The following CDK14 variants were observed in gnomAD, a reference collection of about 807,000 sequenced individuals.
CDK14 encodes the protein cyclin-dependent kinase 14.
CDK14 carries 34 observed loss-of-function variants against 60.7 expected under a neutral mutation model. The ratio of observed to expected loss-of-function variants is 0.56; its 90% CI spans 0.43 to 0.75. CDK14 has a LOEUF of 0.75. CDK14 is among the 30% of genes least tolerant of loss of function. The probability of loss-of-function intolerance (pLI) is 0.00; values close to 1 mark genes in which losing one functional copy is unlikely to be tolerated. For synonymous variants in CDK14, 197 were observed against 203.7 expected (o/e 0.97, Z 0.28); for missense variants, 482 against 564.1 (o/e 0.85, Z 1.47).
intron 5 of CDK14, among the ~76,000 whole-genome samples, chr7:90,810,640 A>G (rs1441183266): frequency 6.6e-6 from 1 of 152,222 alleles, no homozygotes; most frequent in African/African-American, 2.4e-5. Flanking sequence ...AGAAGGAAAT[A>G]AAGGGTATTC....
intron 2 of CDK14, among the ~76,000 whole-genome samples, chr7:90,684,205 A>G (rs1801383653): frequency 1.3e-5 from 2 of 152,230 alleles, no homozygotes; most frequent in African/African-American, 4.8e-5. Flanking sequence ...AGAGTTATTT[A>G]TAGTTCTCTT....
intron 14 of CDK14, among the ~76,000 whole-genome samples, chr7:91,177,607 C>T (rs1801818321): frequency 6.6e-6 from 1 of 152,032 alleles, no homozygotes; most frequent in African/African-American, 2.4e-5. Context: ...GCAACTTCAG[C>T]AAAGTCTCAG....
chr7:90,739,155 A>C (rs1803249209), intron 3 of CDK14, among the ~76,000 whole-genome samples: 1 of 152,188 alleles, frequency 6.6e-6, no homozygotes, highest in Non-Finnish European at 1.5e-5. Flanking sequence ...CTTCCTATGG[A>C]GTCAGCATGA....
intron 14 of CDK14, among the ~76,000 whole-genome samples, chr7:91,135,781 A>G (rs1800261849): frequency 2.0e-5 from 3 of 152,180 alleles, no homozygotes; most frequent in Admixed American, 2.0e-4. Context: ...CTTTGCCAGC[A>G]CAAAAGAAGG....
chr7:90,782,459 C>T (rs184816313), intron 4 of CDK14, among the ~76,000 whole-genome samples: 2 of 152,228 alleles, frequency 1.3e-5, no homozygotes, highest in Non-Finnish European at 2.9e-5. Flanking sequence ...TTTAAACATA[C>T]TTTATATCTT....
chr7:90,749,768 C>T (rs1385015077), intron 4 of CDK14, among the ~76,000 whole-genome samples: 2 of 152,194 alleles, frequency 1.3e-5, no homozygotes, highest in African/African-American at 4.8e-5. Context: ...TGTTTAGGCA[C>T]ACTCTGGGTG....
chr7:90,619,405 C>T (rs1044968102), intron 2 of CDK14, among the ~76,000 whole-genome samples: 6 of 152,178 alleles, frequency 3.9e-5, no homozygotes, highest in Admixed American at 3.3e-4. Flanking sequence ...TTGAAAATCT[C>T]TTTCCAGTGT....
intron 14 of CDK14, among the ~76,000 whole-genome samples, chr7:91,144,416 CTAT>C (rs1371930904): frequency 2.0e-5 from 3 of 152,076 alleles, no homozygotes; most frequent in African/African-American, 4.8e-5. Context: ...GCTTGAGATT[CTAT>C]TATTATGGGC....
intron 14 of CDK14, among the ~76,000 whole-genome samples, chr7:91,190,341 G>A (rs1802322198): frequency 6.6e-6 from 1 of 152,160 alleles, no homozygotes; most frequent in African/African-American, 2.4e-5. Context: ...AAATGGCTCA[G>A]GGAAGCTGGG....
At chr7:90,961,038 G>A (rs1358807500) in intron 9 of CDK14, among the ~76,000 whole-genome samples, 1 of 152,020 alleles carries the variant, frequency 6.6e-6, no homozygotes, top group African/African-American at 2.4e-5. Context: ...TATGGGTAAG[G>A]TCTTGCAGTT....
chr7:91,082,087 C>G (rs1380431194), intron 12 of CDK14, among the ~76,000 whole-genome samples: 1 of 152,148 alleles, frequency 6.6e-6, no homozygotes, highest in African/African-American at 2.4e-5. Flanking sequence ...CTCCCTATTT[C>G]TCTTCCAAAT....
chr7:90,818,237 A>G (rs565983029), intron 5 of CDK14, among the ~76,000 whole-genome samples: 4 of 152,206 alleles, frequency 2.6e-5, no homozygotes, highest in South Asian at 2.1e-4. Context: ...CACATAACCA[A>G]TTAAGTCCTG....
At chr7:91,157,044 C>A (rs977625878) in intron 14 of CDK14, among the ~76,000 whole-genome samples, 2 of 152,154 alleles carry the variant, frequency 1.3e-5, no homozygotes, top group Admixed American at 1.3e-4. Flanking sequence ...AGAGAGATTT[C>A]AAACAGGGAA....
chr7:90,757,664 A>G (rs1369544158), intron 4 of CDK14, among the ~76,000 whole-genome samples: 1 of 150,982 alleles, frequency 6.6e-6, no homozygotes, highest in African/African-American at 2.4e-5. Context: ...TGGTGCATGC[A>G]GTCTTGGCTC....
At chr7:90,950,731 G>C (rs1220135500) in intron 8 of CDK14, among the ~76,000 whole-genome samples, 14 of 152,172 alleles carry the variant, frequency 9.2e-5, no homozygotes, top group Admixed American at 9.2e-4. Flanking sequence ...GGACATTTTT[G>C]ATTTAGAAAC....
At chr7:90,712,988 C>T (rs1341451138) in intron 2 of CDK14, among the ~76,000 whole-genome samples, 8 of 117,512 alleles carry the variant, frequency 6.8e-5, no homozygotes, top group African/African-American at 1.2e-4. Flanking sequence ...TCCTGCTGCC[C>T]GCCATGGGCC....
intron 2 of CDK14, among the ~76,000 whole-genome samples, chr7:90,672,435 G>A (rs1471284531): frequency 6.8e-6 from 1 of 146,646 alleles, no homozygotes; most frequent in Admixed American, 6.9e-5. Flanking sequence ...TTCATCTCTG[G>A]CTTCTTTTAC....
intron 14 of CDK14, among the ~76,000 whole-genome samples, chr7:91,153,350 A>C (rs1800878200): frequency 6.6e-6 from 1 of 152,196 alleles, no homozygotes; most frequent in South Asian, 2.1e-4. Flanking sequence ...AAGGAGCTAA[A>C]AGCAGAACTG....
intron 10 of CDK14, among the ~76,000 whole-genome samples, chr7:91,013,928 C>G (rs1307843339): frequency 6.6e-6 from 1 of 151,880 alleles, no homozygotes; most frequent in Non-Finnish European, 1.5e-5. Context: ...GGAAATTGAA[C>G]TGGAAAGTAG....
Sources: allele counts gnomAD v4.1 joint callset (sites outside exome capture counted in the v4.1 genomes callset), GRCh38; gene constraint gnomAD v4.1.1; transcripts MANE v1.5; gene names NCBI Gene and HGNC (gene_info 2026-07-23, HGNC 2026-07-21).